KSR2: variants seen among roughly 807,000 people sequenced by gnomAD.
KSR2 encodes kinase suppressor of ras 2.
KSR2 carries 25 observed loss-of-function variants against 107.8 expected under a neutral mutation model. That is an observed-to-expected ratio of 0.23 (90% confidence interval 0.17 to 0.32). KSR2 has a LOEUF of 0.32. Ranked by LOEUF, KSR2 falls within the 10% of genes least tolerant of loss-of-function variation. KSR2 has a pLI of 1.00. For missense variants in KSR2, 887 were observed against 1,268.9 expected (o/e 0.70, Z 4.57); for synonymous variants, 480 against 507.0 (o/e 0.95, Z 0.71).
intron 14 of KSR2, among the ~76,000 whole-genome samples, chr12:117,507,095 G>A (rs77864897): frequency 8.7e-4 from 133 of 152,240 alleles, no homozygotes; most frequent in African/African-American, 3.1e-3. Flanking sequence ...AACACTATTT[G>A]CCCCTCACAT....
At chr12:117,668,136 C>A (rs1397640015) in intron 4 of KSR2, among the ~76,000 whole-genome samples, 1 of 152,220 alleles carries the variant, frequency 6.6e-6, no homozygotes. Context: ...TCCCCAAATC[C>A]ACTGCCCTTC....
chr12:117,525,351 A>T, intron 13 of KSR2, 132 bp from the exon 14 acceptor site: 2 of 1,021,288 alleles, frequency 2.0e-6, no homozygotes, highest in Admixed American at 2.9e-5. Context: ...TTGTGCAGAC[A>T]TACGTCCCTC....
intron 17 of KSR2, 88 bp from the exon 18 acceptor site, chr12:117,471,408 A>C: frequency 2.1e-6 from 3 of 1,433,896 alleles, no homozygotes; most frequent in Non-Finnish European, 1.9e-6. Context: ...CCACCCAGCC[A>C]GTCTCCTGGC....
At chr12:117,820,760 A>G (rs78513100) in intron 3 of KSR2, among the ~76,000 whole-genome samples, 1 of 145,708 alleles carries the variant, frequency 6.9e-6, no homozygotes, top group Non-Finnish European at 1.5e-5. Flanking sequence ...AGTCAGTGTG[A>G]AAAAAAAAAA....
At chr12:117,468,393 G>T (rs1354157903) in intron 19 of KSR2, among the ~76,000 whole-genome samples, 1 of 152,194 alleles carries the variant, frequency 6.6e-6, no homozygotes, top group African/African-American at 2.4e-5. Flanking sequence ...TAGTGGAGTG[G>T]CAATTTCAAT....
At chr12:117,490,005 A>G (rs2137152966) in intron 14 of KSR2, among the ~76,000 whole-genome samples, 1 of 152,284 alleles carries the variant, frequency 6.6e-6, no homozygotes, top group African/African-American at 2.4e-5. Flanking sequence ...TGTGCTTAGG[A>G]CCTATATCAC....
At chr12:117,643,574 A>G (rs968435523) in intron 5 of KSR2, among the ~76,000 whole-genome samples, 1 of 152,256 alleles carries the variant, frequency 6.6e-6, no homozygotes, top group African/African-American at 2.4e-5. Context: ...TTGTTTATTA[A>G]GTGCACGAAC....
intron 2 of KSR2, among the ~76,000 whole-genome samples, chr12:117,856,872 G>A (rs530169197): frequency 6.6e-6 from 1 of 152,064 alleles, no homozygotes; most frequent in Non-Finnish European, 1.5e-5. Flanking sequence ...CCAGAAAGAA[G>A]AAAACTGTCT....
intron 1 of KSR2, among the ~76,000 whole-genome samples, chr12:117,928,142 C>T (rs149710991): frequency 2.0e-5 from 3 of 150,952 alleles, no homozygotes; most frequent in Non-Finnish European, 2.9e-5. Flanking sequence ...AAGGTTTATC[C>T]ATGTTGTGTA....
intron 5 of KSR2, among the ~76,000 whole-genome samples, chr12:117,597,259 C>T (rs11068564): frequency 0.12 from 18,366 of 152,192 alleles, 1,247 homozygotes; most frequent in Admixed American, 0.17. Context: ...ATTGCAGGTG[C>T]TAATCGCTGG....
chr12:117,568,763 GC>G (rs1420165505), intron 7 of KSR2, among the ~76,000 whole-genome samples: 1 of 152,004 alleles, frequency 6.6e-6, no homozygotes, highest in East Asian at 1.9e-4. Flanking sequence ...TCCCACCTCA[GC>G]CCCCAGTAGA....
intron 3 of KSR2, among the ~76,000 whole-genome samples, chr12:117,837,082 A>G (rs1892247352): frequency 6.6e-6 from 1 of 152,196 alleles, no homozygotes; most frequent in Non-Finnish European, 1.5e-5. Context: ...ATGCGGAAGG[A>G]AGGTGAGTGG....
At chr12:117,905,041 G>T (rs1047950992) in intron 1 of KSR2, among the ~76,000 whole-genome samples, 2 of 152,196 alleles carry the variant, frequency 1.3e-5, no homozygotes, top group Admixed American at 6.5e-5. Flanking sequence ...AATTAGCCAG[G>T]CGTGGTGGTG....
At chr12:117,940,160 T>C (rs1895968025) in intron 1 of KSR2, among the ~76,000 whole-genome samples, 1 of 152,186 alleles carries the variant, frequency 6.6e-6, no homozygotes, top group Non-Finnish European at 1.5e-5. Context: ...GAACCACTGA[T>C]TCTAAGTTGT....
Position 117,514,824 on chromosome 12 carries a change from C to T in KSR2, c.2219+10028G>A, listed in dbSNP as rs193059270. ...TGGCCTCCCAAAGTGCTGCAATTACCGGTGTGAGCCACCGCACCCGGTCAG... is the reference window on the plus strand; with the variant it reads ...TGGCCTCCCAAAGTGCTGCAATTACTGGTGTGAGCCACCGCACCCGGTCAG... On this transcript the variant is annotated intron_variant, in intron 14 of 19. Transcript: ENST00000339824. Among the ~76,000 whole-genome samples the T allele has an allele frequency of 3.2e-3, 491 of 152,108 alleles. 4 individuals are homozygous for T. Among genetic ancestry groups the T allele is most frequent in the Non-Finnish European group, 2.6e-3 (176 of 67,962 alleles).
rs920049123 is a variant in KSR2, at chr12:117,571,075, T to C, written c.1325+8044A>G. ...GAGTTTGAGACCAGCCTGGCCAACA[T>C]AGTGAAACCCTGTCTCTACTAAAAA... On this transcript the variant is annotated intron_variant, in intron 7 of 19. Coordinates refer to ENST00000339824, the MANE Select transcript of KSR2 (RefSeq NM_173598.6). Among the ~76,000 whole-genome samples, 8 of 152,048 alleles carry C rather than the reference T, an allele frequency of 5.3e-5. No individual in the cohort carries two copies. In the South Asian group the frequency reaches 6.2e-4, roughly 12 times the overall value.
At chr12:117,792,748 T>G (rs964235687) in intron 3 of KSR2, among the ~76,000 whole-genome samples, 1 of 152,230 alleles carries the variant, frequency 6.6e-6, no homozygotes, top group Non-Finnish European at 1.5e-5. Flanking sequence ...ATGTGATTGA[T>G]GCACCCAATC....
chr12:117,848,825 G>A (rs1166102631), intron 3 of KSR2, among the ~76,000 whole-genome samples: 5 of 136,056 alleles, frequency 3.7e-5, no homozygotes, highest in Admixed American at 7.3e-5. Flanking sequence ...GGTGGGTGGT[G>A]ATGGTGGTAG....
At chr12:117,574,545 A>C (rs1879143240) in intron 7 of KSR2, among the ~76,000 whole-genome samples, 1 of 152,194 alleles carries the variant, frequency 6.6e-6, no homozygotes, top group African/African-American at 2.4e-5. Context: ...TAAAACCATC[A>C]GATCTCTTGA....
Sources: gnomAD v4.1 joint callset for allele counts (sites outside exome capture counted in the v4.1 genomes callset) on GRCh38, gnomAD v4.1.1 for gene constraint, MANE v1.5 for transcripts, NCBI Gene and HGNC (gene_info 2026-07-23, HGNC 2026-07-21) for gene names.